The following ARFGAP3 variants were observed in gnomAD, a reference collection of about 807,000 sequenced individuals.
The protein encoded by ARFGAP3 is ARF GTPase activating protein 3.
In ARFGAP3, 72 loss-of-function variants were observed where a neutral mutation model predicts 75.0. The observed-to-expected ratio is 0.96, with a 90% CI of 0.79 to 1.17. The LOEUF (loss-of-function observed/expected upper bound fraction) is 1.17. Ranked by LOEUF, ARFGAP3 falls within the 50% of genes most tolerant of loss-of-function variation. The pLI is 0.00. For missense variants in ARFGAP3, 620 were observed against 626.6 expected (o/e 0.99, Z 0.11); for synonymous variants, 221 against 217.9 (o/e 1.01, Z -0.13).
chr22:42,822,460 T>C, intron 8 of ARFGAP3, 51 bp from the exon 9 acceptor site: 1 of 1,590,116 alleles, frequency 6.3e-7, no homozygotes, highest in East Asian at 2.2e-5. Flanking sequence ...AAAGCTTCTG[T>C]GACTACAGCT....
chr22:42,845,540 A>C (rs1926976978), intron 2 of ARFGAP3, among the ~76,000 whole-genome samples: 1 of 149,836 alleles, frequency 6.7e-6, no homozygotes, highest in Non-Finnish European at 1.5e-5. Flanking sequence ...AAAAAAAAAA[A>C]CCCAAAACAA....
chr22:42,821,607 T>A (rs1925816292), intron 9 of ARFGAP3, among the ~76,000 whole-genome samples: 1 of 152,214 alleles, frequency 6.6e-6, no homozygotes, highest in Non-Finnish European at 1.5e-5. Context: ...ACATACCACA[T>A]TTTCTTTCTC....
chr22:42,828,160 C>A (rs747400297), intron 6 of ARFGAP3, among the ~76,000 whole-genome samples: 4 of 151,308 alleles, frequency 2.6e-5, no homozygotes, highest in African/African-American at 9.7e-5. Flanking sequence ...TGGTGGCTCA[C>A]GCCTGTAATC....
rs1221323705 is a variant in ARFGAP3, at chr22:42,823,703, C to T, written c.626-1G>A. 1.9e-6 allele frequency: 3 copies of T among 1,562,470 alleles called. No homozygotes were observed. The highest frequency in any genetic ancestry group is 8.7e-7 in the Non-Finnish European group (1 of 1,153,492). On this transcript the variant is annotated splice_acceptor_variant, in intron 7 of 15. Coordinates refer to ENST00000263245, the MANE Select transcript of ARFGAP3 (RefSeq NM_014570.5). LOFTEE classifies it high-confidence loss of function. ...TTCTTTTTTATGATAGAGGATACCT[C>T]TGCCAAAAAATAAAAATTAAAAAGT...
rs71186547 is a variant in ARFGAP3, at chr22:42,837,675, C to CTTTTTTTTTTTTTTTTTTTTTTT, written c.262-2183_262-2182insAAAAAAAAAAAAAAAAAAAAAAA. ...GCCTTGAAACATCTAAGGCATACTT[C>CTTTTTTTTTTTTTTTTTTTTTTT]TTTTTTTTTTTTTTTTTTTTTTGAG... On this transcript the variant is annotated intron_variant, in intron 3 of 15. Transcript: ENST00000263245. 1.6e-4 allele frequency among the ~76,000 whole-genome samples: 12 copies of CTTTTTTTTTTTTTTTTTTTTTTT among 75,662 alleles called. 1 individual carries two copies. Among genetic ancestry groups the CTTTTTTTTTTTTTTTTTTTTTTT allele is most frequent in the African/African-American group, 5.0e-4 (8 of 16,054 alleles). 49.6% of individuals were successfully genotyped at this position (75,662 alleles called of 152,430 possible).
intron 11 of ARFGAP3, among the ~76,000 whole-genome samples, chr22:42,813,814 G>T (rs1469663379): frequency 6.6e-6 from 1 of 152,158 alleles, no homozygotes; most frequent in East Asian, 1.9e-4. Context: ...GACGACTAAC[G>T]GCCACTAGTC....
chr22:42,809,884 G>A (rs1305211176), intron 12 of ARFGAP3, among the ~76,000 whole-genome samples: 1 of 151,644 alleles, frequency 6.6e-6, no homozygotes, highest in Non-Finnish European at 1.5e-5. Context: ...GGCGCCTGTA[G>A]TCCCAGCTAC....
chr22:42,824,011 T>TAA, intron 7 of ARFGAP3, among the ~76,000 whole-genome samples: 1 of 148,774 alleles, frequency 6.7e-6, no homozygotes, highest in South Asian at 2.1e-4. Context: ...CAGGAGCATT[T>TAA]AAAAAATATA....
chr22:42,810,088 T>A (rs1473938833), intron 12 of ARFGAP3, among the ~76,000 whole-genome samples: 2 of 151,756 alleles, frequency 1.3e-5, no homozygotes, highest in Non-Finnish European at 2.9e-5. Flanking sequence ...GATCAGAATC[T>A]TCAGGGAAGA....
At chr22:42,823,591 G>A in intron 8 of ARFGAP3, 65 bp downstream of exon 8, 2 of 1,180,404 alleles carry the variant, frequency 1.7e-6, no homozygotes, top group Non-Finnish European at 2.4e-6. Flanking sequence ...CTAAAATGAC[G>A]AAGCGGCTTT....
At chr22:42,831,735 C>T in intron 5 of ARFGAP3, 99 bp from the exon 6 acceptor site, 4 of 1,558,450 alleles carry the variant, frequency 2.6e-6, no homozygotes, top group Non-Finnish European at 3.5e-6. Flanking sequence ...TAAACAGCCA[C>T]ATTCTGAGTC....
chr22:42,834,436 C>T, intron 4 of ARFGAP3, 111 bp from the exon 5 acceptor site: 1 of 1,501,136 alleles, frequency 6.7e-7, no homozygotes, highest in Non-Finnish European at 8.9e-7. Flanking sequence ...TGGTGCTTTC[C>T]ATTCTTATAA....
intron 1 of ARFGAP3, among the ~76,000 whole-genome samples, chr22:42,856,209 C>T (rs1044917867): frequency 3.9e-5 from 6 of 152,210 alleles, no homozygotes; most frequent in African/African-American, 1.4e-4. Flanking sequence ...TCCCCTGTAC[C>T]ATCAAGACTT....
intron 7 of ARFGAP3, among the ~76,000 whole-genome samples, chr22:42,824,536 T>C (rs1925956790): frequency 6.6e-6 from 1 of 151,066 alleles, no homozygotes; most frequent in South Asian, 2.1e-4. Flanking sequence ...TTCTTTTTTT[T>C]TTTTTTGTAG....
At position 42,840,519 on chromosome 22, in the gene ARFGAP3, C is replaced by CAACT. The variant is rs142533688; in HGVS notation, c.261+421_261+424dup. Reference sequence around the variant, plus strand: ...GCAACCTCTGCCTCCCAGGTTCATGCAACTCTCCCGCCTCAGCCTCCCGAG... The same window carrying CAACT: ...GCAACCTCTGCCTCCCAGGTTCATGCAACTAACTCTCCCGCCTCAGCCTCCCGAG... On this transcript the variant is annotated intron_variant, in intron 3 of 15. Coordinates refer to ENST00000263245, the MANE Select transcript of ARFGAP3 (RefSeq NM_014570.5). Among the ~76,000 whole-genome samples, 321 of 151,292 alleles carry CAACT rather than the reference C, an allele frequency of 2.1e-3. 12 individuals carry two copies. In the East Asian group the frequency reaches 0.057, roughly 27 times the overall value.
At chr22:42,835,329 C>T (rs778593488) in intron 4 of ARFGAP3, 33 bp downstream of exon 4, 1 of 1,607,532 alleles carries the variant, frequency 6.2e-7, no homozygotes, top group South Asian at 1.1e-5. Flanking sequence ...GAACATGTAT[C>T]TAAAGGAAAC....
chr22:42,848,357 C>T (rs1367474199), intron 1 of ARFGAP3, among the ~76,000 whole-genome samples: 3 of 152,060 alleles, frequency 2.0e-5, no homozygotes, highest in East Asian at 1.9e-4. Context: ...TACAGGCGCC[C>T]GCCACCGCAC....
rs186771117 is a variant in ARFGAP3, at chr22:42,801,633, C to T, written c.1412-2473G>A. 2.6e-3 allele frequency among the ~76,000 whole-genome samples: 403 copies of T among 152,120 alleles called. 2 individuals are homozygous for T. The highest frequency in any genetic ancestry group is 9.3e-3 in the African/African-American group (386 of 41,438). On this transcript the variant is annotated intron_variant, in intron 14 of 15. Transcript: ENST00000263245. ...ATGGGACATGGGAGGTAGGGGGAGG[C>T]GTGTTCCAGCCTATGTTGGCCGGTG... is the stretch of plus-strand genomic sequence containing the variant.
rs146741514 is a variant in ARFGAP3, at chr22:42,843,683, C to T, written c.189-2667G>A. Among the ~76,000 whole-genome samples, 394 of 152,298 alleles carry T rather than the reference C, an allele frequency of 2.6e-3. 3 individuals are homozygous for T. Among genetic ancestry groups the T allele is most frequent in the Non-Finnish European group, 4.0e-3 (272 of 68,026 alleles). ...ACTTTGCAGTCTATCTTCTTATTTA[C>T]GTTGTATTTAAGCCTGTCCCTAACC... is the stretch of plus-strand genomic sequence containing the variant. On this transcript the variant is annotated intron_variant, in intron 2 of 15. Transcript: ENST00000263245.
Sources: allele counts gnomAD v4.1 joint callset (sites outside exome capture counted in the v4.1 genomes callset), GRCh38; gene constraint gnomAD v4.1.1; transcripts MANE v1.5; gene names NCBI Gene and HGNC (gene_info 2026-07-23, HGNC 2026-07-21).